PCDHGB1: variants seen among roughly 807,000 people sequenced by gnomAD.
The protein encoded by PCDHGB1 is protocadherin gamma-B1.
A neutral mutation model predicts 56.6 loss-of-function variants in PCDHGB1; 34 were observed. That is an observed-to-expected ratio of 0.60 (90% CI 0.46 to 0.80). The LOEUF is 0.80. PCDHGB1 is among the 30% of genes least tolerant of loss of function. The pLI is 0.00. For missense variants in PCDHGB1, 1,278 were observed against 1,204.6 expected (o/e 1.06, Z -0.90); for synonymous variants, 561 against 505.9 (o/e 1.11, Z -1.46).
intron 1 of PCDHGB1, chr5:141,424,285 T>A (rs573116321): frequency 6.5e-6 from 1 of 152,894 alleles, no homozygotes; most frequent in South Asian, 2.1e-4. Context: ...CTTTGTCTCA[T>A]TTCTTCATCC....
At chr5:141,370,420 G>T (rs1766894267) in intron 1 of PCDHGB1, 2 of 1,580,404 alleles carry the variant, frequency 1.3e-6, no homozygotes, top group Non-Finnish European at 1.7e-6. Flanking sequence ...GGATGGAGGG[G>T]CCCAGCAGGG....
intron 1 of PCDHGB1, among the ~76,000 whole-genome samples, chr5:141,436,809 A>T (rs2097847373): frequency 6.6e-6 from 1 of 152,242 alleles, no homozygotes; most frequent in Non-Finnish European, 1.5e-5. Context: ...TTTTTGTGAC[A>T]GCTGGTTTAA....
At chr5:141,510,134 C>T (rs1273076437) in intron 3 of PCDHGB1, among the ~76,000 whole-genome samples, 1 of 152,064 alleles carries the variant, frequency 6.6e-6, no homozygotes, top group East Asian at 1.9e-4. Context: ...ATTAGCTGGG[C>T]TAGTGGTGTG....
At chr5:141,370,542 C>A in intron 1 of PCDHGB1, 1 of 1,613,902 alleles carries the variant, frequency 6.2e-7, no homozygotes, top group Non-Finnish European at 8.5e-7. Flanking sequence ...GGTAGGGAAC[C>A]TCGCCAAGGA....
intron 2 of PCDHGB1, among the ~76,000 whole-genome samples, chr5:141,505,146 A>G (rs2099844101): frequency 6.6e-6 from 1 of 152,190 alleles, no homozygotes; most frequent in Non-Finnish European, 1.5e-5. Flanking sequence ...TGGATGACAG[A>G]GTAAGACCCT....
rs375127524 is a variant in PCDHGB1 at position 141,490,702 on chromosome 5, C to T, written c.2410-4105C>T. ...AGATCCAGACACTGGGGATAATGCC[C>T]GCCTCACCTACTCCATTGTAGGAAA... On this transcript the variant is annotated intron_variant, in intron 1 of 3. Coordinates refer to ENST00000523390, the MANE Select transcript of PCDHGB1 (RefSeq NM_018922.3). The surrounding 1 kb of genome is among the most constrained non-coding windows in gnomAD (Gnocchi z 5.4). 36 of 1,614,060 alleles carry T rather than the reference C, an allele frequency of 2.2e-5. No homozygotes were observed. Among genetic ancestry groups the T allele is most frequent in the South Asian group, 7.7e-5 (7 of 91,090 alleles).
At chr5:141,468,822 A>C (rs867400152) in intron 1 of PCDHGB1, among the ~76,000 whole-genome samples, 4 of 151,874 alleles carry the variant, frequency 2.6e-5, no homozygotes, top group Middle Eastern at 3.4e-3. Context: ...GCCAAGATCA[A>C]GCCACTGCAC....
intron 1 of PCDHGB1, chr5:141,371,423 T>C: frequency 6.2e-7 from 1 of 1,613,962 alleles, no homozygotes; most frequent in Non-Finnish European, 8.5e-7. Flanking sequence ...AAAATGACAA[T>C]GCCCCGGAGA....
chr5:141,355,317 G>A (rs762569662), intron 1 of PCDHGB1: 4 of 1,613,882 alleles, frequency 2.5e-6, no homozygotes, highest in Non-Finnish European at 2.5e-6. Context: ...TTGAGGAGCA[G>A]GAAGAAGGCT....
chr5:141,381,518 A>AT (rs1173205402), intron 1 of PCDHGB1, among the ~76,000 whole-genome samples: 1 of 152,222 alleles, frequency 6.6e-6, no homozygotes, highest in Non-Finnish European at 1.5e-5. Context: ...TAGGATGAAG[A>AT]TTTGAATTGC....
chr5:141,454,493 A>G (rs1328573277), intron 1 of PCDHGB1, among the ~76,000 whole-genome samples: 1 of 151,866 alleles, frequency 6.6e-6, no homozygotes, highest in Non-Finnish European at 1.5e-5. Context: ...CGCAACCTCC[A>G]CCTCCTGGAT....
At chr5:141,370,364 G>A (rs769081116) in intron 1 of PCDHGB1, 5 of 1,521,178 alleles carry the variant, frequency 3.3e-6, no homozygotes, top group Non-Finnish European at 3.5e-6. Context: ...CCTCTCCTCG[G>A]ATTTAGAAAG....
At position 141,491,201 on chromosome 5, in the gene PCDHGB1, C is replaced by T. The variant is rs752813291; in HGVS notation, c.2410-3606C>T. The T allele has an allele frequency of 3.7e-6, 6 of 1,614,226 alleles. No homozygotes were observed. The Admixed American group carries it at 5.0e-5, about 13-fold the overall frequency. On this transcript the variant is annotated intron_variant, in intron 1 of 3. Transcript: ENST00000523390. This position sits in a 1 kb window ranked among gnomAD's most constrained non-coding sequence, Gnocchi z 6.9. ...GTCCTGGTGAGGGACAATGGTGACCCTTCACTCTCCTCCACAGCCACAGTG... is the reference window on the plus strand; with the variant it reads ...GTCCTGGTGAGGGACAATGGTGACCTTTCACTCTCCTCCACAGCCACAGTG...
chr5:141,360,423 C>T, intron 1 of PCDHGB1: 1 of 1,613,908 alleles, frequency 6.2e-7, no homozygotes, highest in Non-Finnish European at 8.5e-7. Flanking sequence ...AACAGATATG[C>T]GGGAAGCAGC....
chr5:141,383,984 T>C, intron 1 of PCDHGB1: 1 of 1,613,834 alleles, frequency 6.2e-7, no homozygotes, highest in African/African-American at 1.3e-5. Context: ...GACACACCTC[T>C]TGGGACAGTC....
chr5:141,453,676 C>T (rs1387074223), intron 1 of PCDHGB1, among the ~76,000 whole-genome samples: 1 of 152,174 alleles, frequency 6.6e-6, no homozygotes, highest in Admixed American at 6.6e-5. Flanking sequence ...AAAGGTAACA[C>T]ACTATGTAGG....
chr5:141,418,429 A>T (rs765952024), intron 1 of PCDHGB1: 2 of 1,613,854 alleles, frequency 1.2e-6, no homozygotes, highest in African/African-American at 2.7e-5. Context: ...ATGGTGGCAA[A>T]TATCCAGAAT....
chr5:141,511,267 C>G lies in PCDHGB1; in HGVS notation c.*94C>G. The G allele has an allele frequency of 6.5e-7, 1 of 1,549,404 alleles. No homozygotes were observed. The highest frequency in any genetic ancestry group is 8.7e-7 in the Non-Finnish European group (1 of 1,146,836). On this transcript the variant is annotated 3_prime_UTR_variant, in exon 4 of 4. Coordinates refer to ENST00000523390, the MANE Select transcript of PCDHGB1 (RefSeq NM_018922.3). Reference sequence around the variant, plus strand: ...CCAGGCCTCAGAGTTTCAGGGCTAACCCCCAGAATACTGGTAGGGGCCAAG... The same window carrying G: ...CCAGGCCTCAGAGTTTCAGGGCTAAGCCCCAGAATACTGGTAGGGGCCAAG...
intron 1 of PCDHGB1, chr5:141,442,120 C>G (rs766641164): frequency 6.0e-6 from 1 of 165,340 alleles, no homozygotes; most frequent in Admixed American, 6.5e-5. Flanking sequence ...CCCTCGTCGC[C>G]GACAGCCTGC....
Sources: gnomAD v4.1 joint callset for allele counts (sites outside exome capture counted in the v4.1 genomes callset) on GRCh38, gnomAD v4.1.1 for gene constraint, Gnocchi (gnomAD v3.1) non-coding constraint, MANE v1.5 for transcripts, NCBI Gene and HGNC (gene_info 2026-07-23, HGNC 2026-07-21) for gene names.